Variants in AQP11 observed in about 807,000 individuals in gnomAD.
The protein encoded by AQP11 is aquaporin-11.
AQP11 carries 20 observed loss-of-function variants against 21.1 expected under a neutral mutation model. The ratio of observed to expected loss-of-function variants is 0.95; its 90% CI spans 0.67 to 1.38. The LOEUF (loss-of-function observed/expected upper bound fraction) is 1.38, where lower values mean the gene tolerates loss of function less well. Among genes scored for constraint, AQP11 ranks in the 40% most tolerant of loss-of-function variants. The probability of loss-of-function intolerance (pLI) is 0.00; values close to 1 mark genes in which losing one functional copy is unlikely to be tolerated. For synonymous variants in AQP11, 167 were observed against 150.1 expected, an observed-to-expected ratio of 1.11 and a Z score of -0.82; for missense variants, 339 against 340.4, an observed-to-expected ratio of 1.00 and a Z score of 0.03.
At chr11:77,597,514 G>A (rs1320717766) in intron 1 of AQP11, among the ~76,000 whole-genome samples, 1 of 152,114 alleles carries the variant, frequency 6.6e-6, no homozygotes, top group Non-Finnish European at 1.5e-5. Flanking sequence ...GGAGGTTGCA[G>A]TGAGCTGAGA....
chr11:77,590,624 C>T lies in AQP11; in HGVS notation c.619+13C>T. On this transcript the variant is annotated intron_variant, in intron 1 of 2. Transcript: ENST00000313578. ...TTGGTCTATGCAGGTTTGTCATTCT[C>T]ACCAAATACTTGGCACTTCCAGAGC... 2 of 1,603,318 alleles carry T rather than the reference C, an allele frequency of 1.2e-6. No individual in the cohort carries two copies. Among genetic ancestry groups the T allele is most frequent in the South Asian group, 1.1e-5 (1 of 89,814 alleles).
At chr11:77,590,643 C>A (rs769054226) in intron 1 of AQP11, 32 bp downstream of exon 1, 6 of 1,590,028 alleles carry the variant, frequency 3.8e-6, no homozygotes, top group Admixed American at 1.7e-5. Flanking sequence ...CTTGGCACTT[C>A]CAGAGCCTCT....
intron 1 of AQP11, among the ~76,000 whole-genome samples, chr11:77,600,629 G>A (rs561853758): frequency 6.6e-6 from 1 of 152,284 alleles, no homozygotes; most frequent in East Asian, 1.9e-4. Context: ...TCAAAACACT[G>A]CATGATATTC....
intron 2 of AQP11, among the ~76,000 whole-genome samples, chr11:77,606,319 C>T (rs1272837021): frequency 6.6e-6 from 1 of 152,096 alleles, no homozygotes; most frequent in African/African-American, 2.4e-5. Flanking sequence ...GAAGAACATA[C>T]TAGAAGAAAA....
intron 2 of AQP11, 115 bp from the exon 3 acceptor site, chr11:77,609,183 A>G: frequency 1.6e-6 from 1 of 639,754 alleles, no homozygotes; most frequent in East Asian, 2.8e-5. Context: ...CCAATTCTTT[A>G]AGCATGGCTT....
At chr11:77,604,342 C>A (rs1339733402) in intron 2 of AQP11, among the ~76,000 whole-genome samples, 3 of 152,152 alleles carry the variant, frequency 2.0e-5, no homozygotes, top group African/African-American at 4.8e-5. Context: ...ATTCCAGTTA[C>A]TTCTATTTAG....
At chr11:77,595,374 T>C (rs1379959394) in intron 1 of AQP11, among the ~76,000 whole-genome samples, 1 of 152,054 alleles carries the variant, frequency 6.6e-6, no homozygotes, top group African/African-American at 2.4e-5. Flanking sequence ...AAACATCTGT[T>C]ATTTTACACG....
chr11:77,600,064 G>A (rs1050205545), intron 1 of AQP11, among the ~76,000 whole-genome samples: 2 of 151,294 alleles, frequency 1.3e-5, no homozygotes, highest in African/African-American at 4.9e-5. Flanking sequence ...GGTACAAGCA[G>A]TTCTCCTGCC....
intron 2 of AQP11, among the ~76,000 whole-genome samples, chr11:77,608,603 ACTC>A (rs1958859717): frequency 6.6e-6 from 1 of 152,046 alleles, no homozygotes; most frequent in Non-Finnish European, 1.5e-5. Flanking sequence ...AAAGAGCAAA[ACTC>A]TGTCTCAAAA....
chr11:77,593,087 A>G (rs774312342), intron 1 of AQP11, among the ~76,000 whole-genome samples: 4 of 152,370 alleles, frequency 2.6e-5, no homozygotes, highest in South Asian at 2.1e-4. Flanking sequence ...GAGTAGCCAC[A>G]TTTCAAGTGG....
At chr11:77,606,438 A>G (rs1958846972) in intron 2 of AQP11, among the ~76,000 whole-genome samples, 1 of 152,154 alleles carries the variant, frequency 6.6e-6, no homozygotes, top group South Asian at 2.1e-4. Flanking sequence ...TGTGGTACAA[A>G]CAGGAAGATA....
At chr11:77,594,889 T>TA (rs112398729) in intron 1 of AQP11, among the ~76,000 whole-genome samples, 256 of 140,792 alleles carry the variant, frequency 1.8e-3, no homozygotes, top group South Asian at 4.5e-3. Flanking sequence ...CCTAATCGTG[T>TA]AAAAAAAAAA....
intron 1 of AQP11, among the ~76,000 whole-genome samples, chr11:77,594,204 T>C (rs1958765220): frequency 6.6e-6 from 1 of 152,238 alleles, no homozygotes; most frequent in Non-Finnish European, 1.5e-5. Flanking sequence ...TAAAATGGCA[T>C]ACTTTATGGT....
chr11:77,603,542 A>G lies in AQP11; in HGVS notation c.620-14A>G, dbSNP rs1156325348. 2 of 1,538,710 alleles carry G rather than the reference A, an allele frequency of 1.3e-6. No homozygotes were observed. Among genetic ancestry groups the G allele is most frequent in the Non-Finnish European group, 8.8e-7 (1 of 1,133,608 alleles). Reference sequence around the variant, plus strand: ...TAAATCATTTGAAATCACTCTGCTTAAAATCTGTTACAGGAGGAAGTCTAA... The same window carrying G: ...TAAATCATTTGAAATCACTCTGCTTGAAATCTGTTACAGGAGGAAGTCTAA... On this transcript the variant is annotated splice_polypyrimidine_tract_variant and intron_variant, in intron 1 of 2. Coordinates refer to ENST00000313578, the MANE Select transcript of AQP11 (RefSeq NM_173039.3).
chr11:77,592,042 G>A (rs1011660354), intron 1 of AQP11, among the ~76,000 whole-genome samples: 7 of 152,188 alleles, frequency 4.6e-5, no homozygotes, highest in African/African-American at 1.4e-4. Flanking sequence ...AAGGCAGGTG[G>A]ATCGCTTGAG....
At chr11:77,594,792 T>C (rs1339806968) in intron 1 of AQP11, among the ~76,000 whole-genome samples, 2 of 152,102 alleles carry the variant, frequency 1.3e-5, no homozygotes, top group African/African-American at 2.4e-5. Flanking sequence ...CAAGTGTCTG[T>C]GTATTTATTG....
At chr11:77,606,451 A>C (rs1197845821) in intron 2 of AQP11, among the ~76,000 whole-genome samples, 1 of 152,168 alleles carries the variant, frequency 6.6e-6, no homozygotes, top group Non-Finnish European at 1.5e-5. Flanking sequence ...GGAAGATAAC[A>C]CATTATATGT....
intron 1 of AQP11, among the ~76,000 whole-genome samples, chr11:77,603,097 C>A (rs1236220047): frequency 6.6e-6 from 1 of 152,188 alleles, no homozygotes; most frequent in Non-Finnish European, 1.5e-5. Context: ...AAAAATAGAA[C>A]CAATGATAAA....
Position 77,590,355 on chromosome 11 carries a change from A to T in AQP11, c.363A>T (p.Leu121=), listed in dbSNP as rs374412400. The change falls in exon 1 of 3, where the codon CTA becomes CTT. Residue 121 remains leucine (L), a synonymous_variant. Transcript: ENST00000313578. ...GMSPETGAVR[L]LAQLVSALCS... The stretch of plus-strand genomic sequence containing the variant: ...CCCCCGAGACGGGTGCGGTGAGGCT[A>T]TTGGCTCAGCTGGTTAGTGCCCTGT... 3.1e-6 allele frequency: 5 copies of T among 1,612,466 alleles called. No individual in the cohort carries two copies. Among genetic ancestry groups the T allele is most frequent in the Admixed American group, 1.7e-5 (1 of 59,974 alleles).
Sources: gnomAD v4.1 joint callset for allele counts (sites outside exome capture counted in the v4.1 genomes callset) on GRCh38, gnomAD v4.1.1 for gene constraint, MANE v1.5 for transcripts, NCBI Gene and HGNC (gene_info 2026-07-23, HGNC 2026-07-21) for gene names.